SCFD2: variants seen among roughly 807,000 people sequenced by gnomAD.
SCFD2 encodes sec1 family domain-containing protein 2.
SCFD2 carries 54 observed loss-of-function variants against 58.9 expected under a neutral mutation model. The ratio of observed to expected loss-of-function variants is 0.92; its 90% CI spans 0.74 to 1.15. The LOEUF is 1.15. SCFD2 is among the 50% of genes most tolerant of loss of function. The probability of loss-of-function intolerance (pLI) is 0.00; values close to 1 mark genes in which losing one functional copy is unlikely to be tolerated. For synonymous variants in SCFD2, 321 were observed against 335.9 expected (o/e 0.96, Z 0.49); for missense variants, 805 against 836.6 (o/e 0.96, Z 0.47).
At chr4:53,080,179 C>T (rs1157078405) in intron 5 of SCFD2, among the ~76,000 whole-genome samples, 3 of 152,130 alleles carry the variant, frequency 2.0e-5, no homozygotes, top group South Asian at 4.1e-4. Context: ...ATGATGAGTT[C>T]TCATCTCACG....
intron 5 of SCFD2, among the ~76,000 whole-genome samples, chr4:53,098,647 C>T (rs1181819627): frequency 6.6e-6 from 1 of 152,038 alleles, no homozygotes; most frequent in Admixed American, 6.6e-5. Context: ...AGCTCTTCCC[C>T]TAGATAGCCA....
intron 4 of SCFD2, among the ~76,000 whole-genome samples, chr4:53,149,155 T>G (rs1726430272): frequency 6.6e-6 from 1 of 152,230 alleles, no homozygotes; most frequent in Non-Finnish European, 1.5e-5. Flanking sequence ...ACAGTAGCAA[T>G]GATGACAGCC....
intron 5 of SCFD2, among the ~76,000 whole-genome samples, chr4:52,993,180 A>G (rs545227408): frequency 6.6e-5 from 10 of 152,206 alleles, no homozygotes; most frequent in African/African-American, 2.4e-4. Flanking sequence ...TTTGTTAAAC[A>G]GATGCTTGAA....
intron 5 of SCFD2, among the ~76,000 whole-genome samples, chr4:53,013,181 C>T (rs1284138082): frequency 1.3e-5 from 2 of 152,216 alleles, no homozygotes; most frequent in Non-Finnish European, 2.9e-5. Flanking sequence ...TTTACACCTA[C>T]AGTACTTTCC....
intron 4 of SCFD2, among the ~76,000 whole-genome samples, chr4:53,199,978 G>A (rs566734395): frequency 1.4e-4 from 21 of 152,070 alleles, no homozygotes; most frequent in Admixed American, 1.4e-3. Flanking sequence ...GAGAGGGAGA[G>A]AGAGAGAGAA....
intron 5 of SCFD2, among the ~76,000 whole-genome samples, chr4:53,014,578 G>C (rs1432595231): frequency 6.6e-6 from 1 of 152,110 alleles, no homozygotes; most frequent in East Asian, 1.9e-4. Flanking sequence ...AACCTCATAG[G>C]CACAACCCTC....
chr4:52,971,955 C>T (rs12500786), intron 5 of SCFD2, among the ~76,000 whole-genome samples: 51,927 of 152,012 alleles, frequency 0.34, 9,637 homozygotes, highest in Admixed American at 0.47. Context: ...CCTTTATAGA[C>T]AAGCAAATGC....
At chr4:53,025,241 TTATACAAA>T (rs1350236479) in intron 5 of SCFD2, among the ~76,000 whole-genome samples, 1 of 152,174 alleles carries the variant, frequency 6.6e-6, no homozygotes, top group Non-Finnish European at 1.5e-5. Context: ...CAAATCACAC[TTATACAAA>T]TAAAAATATC....
At chr4:53,321,616 T>A (rs776746132) in intron 2 of SCFD2, among the ~76,000 whole-genome samples, 1 of 152,190 alleles carries the variant, frequency 6.6e-6, no homozygotes, top group South Asian at 2.1e-4. Flanking sequence ...GCAAGCTGAG[T>A]CATAGTTTTT....
chr4:53,171,027 T>G (rs1205580023), intron 4 of SCFD2, among the ~76,000 whole-genome samples: 1 of 152,188 alleles, frequency 6.6e-6, no homozygotes, highest in African/African-American at 2.4e-5. Context: ...CTTTCTCTTC[T>G]CTAATTGATC....
intron 4 of SCFD2, 63 bp downstream of exon 4, chr4:53,273,763 G>A (rs756947691): frequency 4.3e-6 from 6 of 1,405,874 alleles, no homozygotes; most frequent in Non-Finnish European, 4.9e-6. Context: ...AAATGTCAAG[G>A]TTTTTCTCTG....
At chr4:52,885,562 G>A (rs929138233) in intron 8 of SCFD2, among the ~76,000 whole-genome samples, 185 bp downstream of exon 8, 10 of 152,040 alleles carry the variant, frequency 6.6e-5, no homozygotes, top group African/African-American at 1.9e-4. Flanking sequence ...AGGGCATGTC[G>A]GGCTGGTTCT....
intron 5 of SCFD2, among the ~76,000 whole-genome samples, chr4:52,943,026 C>T (rs775725228): frequency 2.0e-5 from 3 of 151,118 alleles, no homozygotes; most frequent in Admixed American, 1.3e-4. Context: ...TAAATAAAAT[C>T]TCCTAAAATG....
chr4:53,106,890 C>G (rs1390463712), intron 5 of SCFD2, among the ~76,000 whole-genome samples: 1 of 151,894 alleles, frequency 6.6e-6, no homozygotes, highest in Non-Finnish European at 1.5e-5. Flanking sequence ...ACAAAGATAC[C>G]CCTCGAGAAG....
chr4:53,003,393 C>A (rs1721906321), intron 5 of SCFD2, among the ~76,000 whole-genome samples: 1 of 152,162 alleles, frequency 6.6e-6, no homozygotes, highest in South Asian at 2.1e-4. Context: ...ACATTTGGTT[C>A]CTCTGTTGCA....
At chr4:53,053,249 A>G (rs895987984) in intron 5 of SCFD2, among the ~76,000 whole-genome samples, 1 of 151,820 alleles carries the variant, frequency 6.6e-6, no homozygotes, top group African/African-American at 2.4e-5. Flanking sequence ...CTGGCAAAAC[A>G]AATATATAGT....
chr4:52,900,222 C>T lies in SCFD2; in HGVS notation c.1842+7235G>A, dbSNP rs190981303. The stretch of plus-strand genomic sequence containing the variant: ...CTGCGTTCCTTTGGAGGAGGAGAGG[C>T]GCTCTGATTTTTCGAGTTTCTGGTT... On this transcript the variant is annotated intron_variant, in intron 7 of 8. Transcript: ENST00000401642. Among the ~76,000 whole-genome samples, 437 of 152,262 alleles carry T rather than the reference C, an allele frequency of 2.9e-3. 4 individuals carry two copies. Among genetic ancestry groups the T allele is most frequent in the African/African-American group, 0.01 (416 of 41,540 alleles).
At chr4:53,148,974 C>T (rs1726424362) in intron 4 of SCFD2, among the ~76,000 whole-genome samples, 1 of 152,176 alleles carries the variant, frequency 6.6e-6, no homozygotes, top group African/African-American at 2.4e-5. Context: ...TGTGCCAGTG[C>T]AACAGAGCAA....
chr4:52,902,949 T>C (rs1719241378), intron 7 of SCFD2, among the ~76,000 whole-genome samples: 4 of 152,198 alleles, frequency 2.6e-5, no homozygotes, highest in Admixed American at 2.6e-4. Context: ...AAGGAATGCA[T>C]GAAAAGAGAC....
Sources: allele counts gnomAD v4.1 joint callset (sites outside exome capture counted in the v4.1 genomes callset), GRCh38; gene constraint gnomAD v4.1.1; transcripts MANE v1.5; gene names NCBI Gene and HGNC (gene_info 2026-07-23, HGNC 2026-07-21).